The following MDGA2 variants were observed in gnomAD, a reference collection of about 807,000 sequenced individuals.
MDGA2 encodes MAM domain containing glycosylphosphatidylinositol anchor 2.
A neutral mutation model predicts 117.8 loss-of-function variants in MDGA2; 40 were observed. The observed-to-expected ratio is 0.34, with a 90% CI of 0.26 to 0.44. The LOEUF (loss-of-function observed/expected upper bound fraction) is 0.44. Among genes scored for constraint, MDGA2 ranks in the 20% least tolerant of loss-of-function variants. MDGA2 has a pLI of 1.00. For synonymous variants in MDGA2, 452 were observed against 439.0 expected (o/e 1.03, Z -0.37); for missense variants, 1,123 against 1,250.6 (o/e 0.90, Z 1.54).
At chr14:47,442,858 T>C (rs1000658125) in intron 1 of MDGA2, among the ~76,000 whole-genome samples, 1 of 152,124 alleles carries the variant, frequency 6.6e-6, no homozygotes, top group African/African-American at 2.4e-5. Context: ...CATGCTGTTT[T>C]GAGTAGCATG....
intron 1 of MDGA2, among the ~76,000 whole-genome samples, chr14:47,597,411 C>G (rs999444333): frequency 6.6e-6 from 1 of 151,348 alleles, no homozygotes; most frequent in South Asian, 2.1e-4. Context: ...TTTTTTCTTT[C>G]CAGCAAATTC....
intron 1 of MDGA2, among the ~76,000 whole-genome samples, chr14:47,555,378 A>G (rs1895663777): frequency 6.6e-6 from 1 of 152,118 alleles, no homozygotes; most frequent in Admixed American, 6.6e-5. Context: ...GACTGATGAA[A>G]CTGGACATAG....
chr14:46,903,516 TACTTG>T (rs370126325), intron 10 of MDGA2, among the ~76,000 whole-genome samples: 66 of 152,324 alleles, frequency 4.3e-4, no homozygotes, highest in African/African-American at 1.5e-3. Flanking sequence ...TCTAATCCTA[TACTTG>T]ACTTCAGAGA....
rs527660283 is a variant in MDGA2, at chr14:47,315,925, AC to A, written c.281-14376del. Among the ~76,000 whole-genome samples, 28 of 141,654 alleles carry A rather than the reference AC, an allele frequency of 2.0e-4. No homozygotes were observed. In the South Asian group the frequency reaches 4.7e-3, roughly 24 times the overall value. The allele number at this position is 141,654 out of a possible 152,430, so 92.9% of individuals were successfully genotyped here. A position where few individuals can be genotyped will look rare whatever the true frequency, so the allele number is the denominator to read the frequency against. On this transcript the variant is annotated intron_variant, in intron 1 of 16. Transcript: ENST00000399232. ...TCTGCCTAATGGTATTGGCAAAAAAACAAAACAAAACAAAACAAAAAACAAA... is the reference window on the plus strand; with the variant it reads ...TCTGCCTAATGGTATTGGCAAAAAAAAAAACAAAACAAAACAAAAAACAAA...
In MDGA2 at chr14:46,873,932, T is replaced by C. The variant is rs917188837; in HGVS notation, c.2593+113A>G. On this transcript the variant is annotated intron_variant, in intron 13 of 16. Coordinates refer to ENST00000399232, the MANE Select transcript of MDGA2 (RefSeq NM_001113498.3). ...CTAAATTGATACTGTACAGAAAATT[T>C]AATATTTTATTCCATAATCTTCAAA... The C allele has an allele frequency of 5.1e-6, 5 of 983,110 alleles. No individual in the cohort carries two copies. The East Asian group carries it at 1.6e-4, about 30-fold the overall frequency. The allele number at this position is 983,110 out of a possible 1,614,324, so 60.9% of individuals were successfully genotyped here. A position where few individuals can be genotyped will look rare whatever the true frequency, so the allele number is the denominator to read the frequency against.
chr14:46,952,700 T>C (rs1885412977), intron 9 of MDGA2, among the ~76,000 whole-genome samples: 1 of 151,884 alleles, frequency 6.6e-6, no homozygotes, highest in African/African-American at 2.4e-5. Flanking sequence ...CATAGAGATA[T>C]ACAAAAAGCT....
At chr14:47,044,158 C>G (rs1427439598) in intron 7 of MDGA2, among the ~76,000 whole-genome samples, 1 of 151,764 alleles carries the variant, frequency 6.6e-6, no homozygotes. Flanking sequence ...GTAAGAAAAC[C>G]ATTGATTAAT....
At position 47,363,579 on chromosome 14, in the gene MDGA2, C is replaced by G. The variant is rs569429496; in HGVS notation, c.281-62029G>C. Among the ~76,000 whole-genome samples, 379 of 152,042 alleles carry G rather than the reference C, an allele frequency of 2.5e-3. 2 individuals are homozygous for G. Among genetic ancestry groups the G allele is most frequent in the African/African-American group, 8.9e-3 (370 of 41,478 alleles). On this transcript the variant is annotated intron_variant, in intron 1 of 16. Transcript: ENST00000399232. Reference sequence around the variant, plus strand: ...GGCCTGTATCAAATTTATATACACACCAAATACTGACACAAATTTCAAACA... The same window carrying G: ...GGCCTGTATCAAATTTATATACACAGCAAATACTGACACAAATTTCAAACA...
intron 2 of MDGA2, among the ~76,000 whole-genome samples, chr14:47,260,214 T>A (rs1467744288): frequency 6.6e-6 from 1 of 152,122 alleles, no homozygotes; most frequent in South Asian, 2.1e-4. Flanking sequence ...AATGAATCTT[T>A]AAATTGATGC....
intron 1 of MDGA2, among the ~76,000 whole-genome samples, chr14:47,414,426 T>C (rs991459289): frequency 7.2e-5 from 11 of 152,264 alleles, no homozygotes; most frequent in African/African-American, 2.2e-4. Context: ...AGCTAGTATA[T>C]GCCAAAGTGC....
chr14:46,958,301 G>A (rs1334857969), intron 8 of MDGA2, among the ~76,000 whole-genome samples: 1 of 152,036 alleles, frequency 6.6e-6, no homozygotes, highest in Non-Finnish European at 1.5e-5. Context: ...GAAGAGGAAG[G>A]GATGTTCAGA....
At chr14:47,388,384 T>C (rs568569009) in intron 1 of MDGA2, among the ~76,000 whole-genome samples, 1 of 152,326 alleles carries the variant, frequency 6.6e-6, no homozygotes, top group East Asian at 1.9e-4. Flanking sequence ...TGTTTCAGAC[T>C]CTATTATCCC....
intron 10 of MDGA2, among the ~76,000 whole-genome samples, chr14:46,896,911 T>A (rs894434550): frequency 1.3e-5 from 2 of 152,206 alleles, no homozygotes; most frequent in Non-Finnish European, 2.9e-5. Context: ...TATGACCTAG[T>A]CCTGGCCAAT....
chr14:47,299,041 C>T (rs1412491817), intron 2 of MDGA2, among the ~76,000 whole-genome samples: 2 of 152,012 alleles, frequency 1.3e-5, no homozygotes, highest in African/African-American at 2.4e-5. Context: ...CCTGCAAACA[C>T]CTTAATTACT....
In MDGA2 at chr14:47,411,430, T is replaced by G. The variant is rs557526172; in HGVS notation, c.281-109880A>C. On this transcript the variant is annotated intron_variant, in intron 1 of 16. Coordinates refer to ENST00000399232, the MANE Select transcript of MDGA2 (RefSeq NM_001113498.3). ...ATTATCATGCCTAGAACTAAGGCCATTTATGTCACTGTCCAGATAGGGAGA... is the reference window on the plus strand; with the variant it reads ...ATTATCATGCCTAGAACTAAGGCCAGTTATGTCACTGTCCAGATAGGGAGA... 1.1e-4 allele frequency among the ~76,000 whole-genome samples: 16 copies of G among 152,250 alleles called. No homozygotes were observed. In the South Asian group the frequency reaches 3.3e-3, roughly 32 times the overall value.
chr14:47,312,687 TGTTTTG>T (rs1889674816), intron 1 of MDGA2, among the ~76,000 whole-genome samples: 5 of 92,822 alleles, frequency 5.4e-5, no homozygotes, highest in African/African-American at 1.6e-4. Flanking sequence ...GTTTTTTTTT[TGTTTTG>T]TTTTGTTTTT....
intron 1 of MDGA2, among the ~76,000 whole-genome samples, chr14:47,315,163 A>G (rs947901338): frequency 6.6e-6 from 1 of 152,134 alleles, no homozygotes; most frequent in Non-Finnish European, 1.5e-5. Context: ...TATCTCCCTG[A>G]CTATAATACT....
intron 6 of MDGA2, among the ~76,000 whole-genome samples, chr14:47,085,451 T>C (rs1890862332): frequency 6.6e-6 from 1 of 152,184 alleles, no homozygotes; most frequent in African/African-American, 2.4e-5. Flanking sequence ...AGATGATCAA[T>C]ATCACAGTCT....
chr14:46,875,179 A>C (rs1882175253), intron 12 of MDGA2, among the ~76,000 whole-genome samples: 1 of 151,776 alleles, frequency 6.6e-6, no homozygotes, highest in Non-Finnish European at 1.5e-5. Flanking sequence ...CCTGGAATTC[A>C]TAGAGATATA....
Sources: allele counts gnomAD v4.1 joint callset (sites outside exome capture counted in the v4.1 genomes callset), GRCh38; gene constraint gnomAD v4.1.1; transcripts MANE v1.5; gene names NCBI Gene and HGNC (gene_info 2026-07-23, HGNC 2026-07-21).